The following ACLY variants were observed in gnomAD, a reference collection of about 807,000 sequenced individuals.
The protein encoded by ACLY is ATP citrate lyase, also known as ATP-citrate synthase.
A neutral mutation model predicts 133.0 loss-of-function variants in ACLY; 41 were observed. The observed-to-expected ratio is 0.31, with a 90% CI of 0.24 to 0.40. The LOEUF (loss-of-function observed/expected upper bound fraction) is 0.40, where lower values mean the gene tolerates loss of function less well. Among genes scored for constraint, ACLY ranks in the 10% least tolerant of loss-of-function variants. ACLY has a pLI of 1.00. For missense variants in ACLY, 1,046 were observed against 1,453.8 expected (o/e 0.72, Z 4.56); for synonymous variants, 495 against 549.3 (o/e 0.90, Z 1.38).
chr17:41,892,513 AG>A, intron 15 of ACLY, 66 bp from the exon 16 acceptor site: 1 of 1,469,334 alleles, frequency 6.8e-7, no homozygotes, highest in East Asian at 2.3e-5. Context: ...GGGGAAGCTG[AG>A]GGGAGGAATT....
At chr17:41,884,106 A>G in intron 19 of ACLY, 87 bp downstream of exon 19, 1 of 811,022 alleles carries the variant, frequency 1.2e-6, no homozygotes, top group Non-Finnish European at 2.1e-6. Context: ...TTTAAGTTAC[A>G]TGTAACCAAA....
intron 7 of ACLY, 121 bp from the exon 8 acceptor site, chr17:41,906,767 G>C: frequency 1.1e-6 from 1 of 891,512 alleles, no homozygotes. Context: ...GGGGTGGGAA[G>C]AAGGGGCTAC....
At chr17:41,917,113 C>A (rs750388163) in intron 1 of ACLY, among the ~76,000 whole-genome samples, 2 of 137,502 alleles carry the variant, frequency 1.5e-5, no homozygotes, top group African/African-American at 5.5e-5. Context: ...TCCAGCCTGC[C>A]GACAGAGCAA....
At chr17:41,921,080 C>G (rs1442354923), upstream of ACLY, among the ~76,000 whole-genome samples, 8 of 149,754 alleles carry the variant, frequency 5.3e-5, no homozygotes, top group Admixed American at 5.4e-4. Context: ...GAGCCGAGAT[C>G]GCACCAGTGC....
rs1174935291 is a variant in ACLY, at chr17:41,906,868, C to T, written c.748-222G>A. Among the ~76,000 whole-genome samples, 10 of 152,192 alleles carry T rather than the reference C, an allele frequency of 6.6e-5. No homozygotes were observed. In the East Asian group the frequency reaches 1.9e-3, roughly 29 times the overall value. ...CAGTCACTGCCTAGGGACAAACTTC[C>T]CATCTCCCTTCTCTGACGTCAAGTA... On this transcript the variant is annotated intron_variant, in intron 7 of 28. Coordinates refer to ENST00000352035, the MANE Select transcript of ACLY (RefSeq NM_001096.3).
chr17:41,888,069 A>G (rs2049102179), intron 16 of ACLY, among the ~76,000 whole-genome samples: 1 of 152,182 alleles, frequency 6.6e-6, no homozygotes, highest in South Asian at 2.1e-4. Context: ...TGGAGGTTGC[A>G]GTGAGCTGAG....
upstream of ACLY, among the ~76,000 whole-genome samples, chr17:41,921,972 G>T (rs1555635491): frequency 6.6e-6 from 1 of 152,068 alleles, no homozygotes; most frequent in East Asian, 1.9e-4. Context: ...GAGGCAGGCA[G>T]ATCACTTGAG....
At chr17:41,928,316 C>A (rs1423058564) in intron 1 of ACLY, among the ~76,000 whole-genome samples, 1 of 152,100 alleles carries the variant, frequency 6.6e-6, no homozygotes, top group African/African-American at 2.4e-5. Context: ...TCCATTGAAT[C>A]TCTTTGGCAA....
At chr17:41,883,323 G>A in intron 19 of ACLY, 91 bp from the exon 20 acceptor site, 1 of 1,078,762 alleles carries the variant, frequency 9.3e-7, no homozygotes, top group Non-Finnish European at 1.4e-6. Context: ...CACGGGCTTT[G>A]GCCAAATAAA....
rs2048494072 is a variant in ACLY, at chr17:41,867,381, A to C, written c.*429T>G. 2.0e-5 allele frequency: 3 copies of C among 152,536 alleles called. No homozygotes were observed. The highest frequency in any genetic ancestry group is 7.3e-5 in the African/African-American group (3 of 41,336). 9.4% of individuals were successfully genotyped at this position (152,536 alleles called of 1,614,324 possible). ...AAGGGAAGTAAAAAAAAAAAAAGAG[A>C]GACATTGGGGTGCTTTAAATGTATA... On this transcript the variant is annotated 3_prime_UTR_variant, in exon 29 of 29. Coordinates refer to ENST00000352035, the MANE Select transcript of ACLY (RefSeq NM_001096.3).
At chr17:41,916,360 G>A (rs1567916588) in intron 1 of ACLY, among the ~76,000 whole-genome samples, 1 of 148,546 alleles carries the variant, frequency 6.7e-6, no homozygotes, top group African/African-American at 2.5e-5. Flanking sequence ...GAGGTCTTCT[G>A]TTTTTTTGTT....
chr17:41,924,397 T>C (rs1555635786), intron 1 of ACLY, among the ~76,000 whole-genome samples: 1 of 151,996 alleles, frequency 6.6e-6, no homozygotes, highest in African/African-American at 2.4e-5. Context: ...TCCGCCCGCC[T>C]CAGCCTCCCA....
chr17:41,906,521 C>T lies in ACLY; in HGVS notation c.866+7G>A, dbSNP rs62076883. Reference sequence around the variant, plus strand: ...CTGGCATCCCTTCAGCAACCCCCTTCGGTCACCTGTACACGACAGAGGCGC... The same window carrying T: ...CTGGCATCCCTTCAGCAACCCCCTTTGGTCACCTGTACACGACAGAGGCGC... On this transcript the variant is annotated splice_region_variant and intron_variant, in intron 8 of 28. Transcript: ENST00000352035. 7.4e-3 allele frequency: 11,916 copies of T among 1,612,926 alleles called. 56 individuals are homozygous for T. Among genetic ancestry groups the T allele is most frequent in the Admixed American group, 9.7e-3 (582 of 59,984 alleles).
intron 20 of ACLY, among the ~76,000 whole-genome samples, chr17:41,879,310 T>C (rs1490847898): frequency 1.3e-5 from 2 of 151,800 alleles, no homozygotes; most frequent in Non-Finnish European, 2.9e-5. Flanking sequence ...TTCACTATGT[T>C]GGCCAGGCTG....
chr17:41,929,315 G>C (rs2050284997), intron 1 of ACLY, among the ~76,000 whole-genome samples: 1 of 151,918 alleles, frequency 6.6e-6, no homozygotes, highest in Non-Finnish European at 1.5e-5. Context: ...GACTGGTCTC[G>C]AACTCCTGAG....
Position 41,897,940 on chromosome 17 carries a change from T to C in ACLY, c.1339-101A>G, listed in dbSNP as rs1555630746. The C allele has an allele frequency of 1.1e-5, 10 of 940,004 alleles. No individual in the cohort carries two copies. The South Asian group carries it at 1.5e-4, about 14-fold the overall frequency. The allele number at this position is 940,004 out of a possible 1,614,324, so 58.2% of individuals were successfully genotyped here. On this transcript the variant is annotated intron_variant, in intron 12 of 28. Transcript: ENST00000352035. ...CAAAGAAAACTCGTAATAAAAATTA[T>C]GCACAGCAATGCTCTTTATAAGCTG... is the stretch of plus-strand genomic sequence containing the variant.
At chr17:41,907,825 A>G (rs2049769053) in intron 6 of ACLY, among the ~76,000 whole-genome samples, 1 of 152,212 alleles carries the variant, frequency 6.6e-6, no homozygotes, top group Non-Finnish European at 1.5e-5. Context: ...ATTAGTTGCC[A>G]TGGCAATTTT....
intron 28 of ACLY, 32 bp downstream of exon 28, chr17:41,868,677 A>C: frequency 1.9e-6 from 3 of 1,601,042 alleles, no homozygotes; most frequent in African/African-American, 2.7e-5. Flanking sequence ...GGTTTAAAAA[A>C]AAACACTTAA....
intron 1 of ACLY, among the ~76,000 whole-genome samples, chr17:41,917,398 G>C (rs1332889948): frequency 6.6e-6 from 1 of 152,110 alleles, no homozygotes; most frequent in Non-Finnish European, 1.5e-5. Flanking sequence ...TTCTCTAAGG[G>C]AGGGGCCTTA....
Sources: gnomAD v4.1 joint callset for allele counts (sites outside exome capture counted in the v4.1 genomes callset) on GRCh38, gnomAD v4.1.1 for gene constraint, MANE v1.5 for transcripts, NCBI Gene and HGNC (gene_info 2026-07-23, HGNC 2026-07-21) for gene names.